The following CXADR variants were observed in gnomAD, a reference collection of about 807,000 sequenced individuals.
The protein encoded by CXADR is CXADR cell adhesion molecule, also known as coxsackievirus and adenovirus receptor.
In CXADR, 20 loss-of-function variants were observed where a neutral mutation model predicts 40.3. That is an observed-to-expected ratio of 0.50 (90% CI 0.35 to 0.72). The LOEUF (loss-of-function observed/expected upper bound fraction) is 0.72. Ranked by LOEUF, CXADR falls within the 30% of genes least tolerant of loss-of-function variation. The pLI is 0.01. For missense variants in CXADR, 332 were observed against 449.1 expected (o/e 0.74, Z 2.36); for synonymous variants, 150 against 161.3 (o/e 0.93, Z 0.53).
intron 6 of CXADR, among the ~76,000 whole-genome samples, chr21:17,562,150 A>G (rs2061131999): frequency 3.2e-5 from 1 of 31,192 alleles, no homozygotes; most frequent in South Asian, 1.4e-3. Context: ...AGATACCCCA[A>G]TTAAAAAATA....
At chr21:17,627,405 G>C in the CXADR span, among the ~76,000 whole-genome samples, 1 of 152,126 alleles carries the variant, frequency 6.6e-6, no homozygotes, top group Admixed American at 6.6e-5. Flanking sequence ...TAATAAATGG[G>C]TTGTCATTAA....
chr21:17,538,810 C>T (rs1342490074), intron 1 of CXADR, among the ~76,000 whole-genome samples: 3 of 151,942 alleles, frequency 2.0e-5, no homozygotes, highest in South Asian at 2.1e-4. Context: ...AGAGTGAGAC[C>T]CTGTTTCAAA....
At chr21:17,514,579 A>G (rs1328964757) in intron 1 of CXADR, among the ~76,000 whole-genome samples, 1 of 143,270 alleles carries the variant, frequency 7.0e-6, no homozygotes, top group East Asian at 2.0e-4. Context: ...AAAAAAAAAA[A>G]TAGTTTTAGA....
At chr21:17,609,146 T>C in the CXADR span, 1 of 1,603,192 alleles carries the variant, frequency 6.2e-7, no homozygotes, top group Non-Finnish European at 8.5e-7. Flanking sequence ...ATTCTTCATT[T>C]TTTTCCCTGC....
intron 1 of CXADR, among the ~76,000 whole-genome samples, chr21:17,519,272 T>C (rs907892502): frequency 6.6e-6 from 1 of 152,238 alleles, no homozygotes; most frequent in South Asian, 2.1e-4. Context: ...GTCTTGTGGC[T>C]CCTGGCAGAC....
the CXADR span, among the ~76,000 whole-genome samples, chr21:17,606,836 T>C: frequency 2.6e-5 from 4 of 152,212 alleles, no homozygotes; most frequent in African/African-American, 7.2e-5. Flanking sequence ...TCCATATTCA[T>C]ACATGTTCGT....
intron 1 of CXADR, among the ~76,000 whole-genome samples, chr21:17,537,964 T>C (rs1017788859): frequency 6.6e-6 from 1 of 151,968 alleles, no homozygotes; most frequent in African/African-American, 2.4e-5. Context: ...GAGACCATAG[T>C]AAGCCTAAAA....
the CXADR span, among the ~76,000 whole-genome samples, chr21:17,626,405 A>G: frequency 6.6e-6 from 1 of 152,198 alleles, no homozygotes; most frequent in South Asian, 2.1e-4. Flanking sequence ...ATTTATTACC[A>G]TGTAAATTAC....
the CXADR span, among the ~76,000 whole-genome samples, chr21:17,631,256 T>C: frequency 6.6e-6 from 1 of 152,182 alleles, no homozygotes. Context: ...GTAAATAGGT[T>C]CATGTAGTTT....
At chr21:17,624,760 A>G in the CXADR span, among the ~76,000 whole-genome samples, 9 of 152,128 alleles carry the variant, frequency 5.9e-5, no homozygotes, top group Admixed American at 3.9e-4. Flanking sequence ...TCTGCCTACC[A>G]TATGGTCTCT....
intron 7 of CXADR, among the ~76,000 whole-genome samples, chr21:17,578,735 G>A (rs1479281551): frequency 1.3e-5 from 2 of 152,166 alleles, no homozygotes; most frequent in East Asian, 3.9e-4. Flanking sequence ...AGGCTGAGGT[G>A]GGAGGATTGC....
At chr21:17,594,477 A>G (rs772358756), downstream of CXADR, 91 of 952,418 alleles carry the variant, frequency 9.6e-5, no homozygotes, top group East Asian at 1.6e-4. Context: ...TAAATACATT[A>G]AAAACCTCAT....
chr21:17,583,256 A>T (rs1161021190), intron 7 of CXADR, among the ~76,000 whole-genome samples: 1 of 152,182 alleles, frequency 6.6e-6, no homozygotes, highest in East Asian at 1.9e-4. Context: ...GGAGAGCTTT[A>T]TGAATGTATG....
At chr21:17,551,650 G>A in intron 2 of CXADR, 99 bp from the exon 3 acceptor site, 2 of 962,102 alleles carry the variant, frequency 2.1e-6, no homozygotes, top group Non-Finnish European at 1.5e-6. Context: ...TCTGGGAGGG[G>A]GCGTTCTGTA....
chr21:17,551,995 G>C (rs1359754598), intron 3 of CXADR, 42 bp downstream of exon 3: 1 of 1,438,640 alleles, frequency 7.0e-7, no homozygotes, highest in Middle Eastern at 1.8e-4. Flanking sequence ...CTGAGTAAGA[G>C]AATGATTAGT....
intron 1 of CXADR, among the ~76,000 whole-genome samples, chr21:17,522,288 A>G (rs2060540998): frequency 6.6e-6 from 1 of 151,582 alleles, no homozygotes; most frequent in African/African-American, 2.4e-5. Flanking sequence ...AGCTGGGATT[A>G]CAGGCATGCA....
Position 17,566,537 on chromosome 21 carries a change from C to T in CXADR, c.*845C>T, listed in dbSNP as rs1043195893. On this transcript the variant is annotated 3_prime_UTR_variant, in exon 7 of 7. Coordinates refer to ENST00000284878, the MANE Select transcript of CXADR (RefSeq NM_001338.5). Reference sequence around the variant, plus strand: ...CAGCCAGATCAAGGATGTAGTATCTCATAGTTCCCAGGTGATATTTTTCTT... The same window carrying T: ...CAGCCAGATCAAGGATGTAGTATCTTATAGTTCCCAGGTGATATTTTTCTT... 5 of 985,014 alleles carry T rather than the reference C, an allele frequency of 5.1e-6. No individual in the cohort carries two copies. The highest frequency in any genetic ancestry group is 6.0e-6 in the Non-Finnish European group (5 of 829,706). The allele number at this position is 985,014 out of a possible 1,614,324, so 61.0% of individuals were successfully genotyped here.
rs770404263 is a variant in CXADR, at chr21:17,553,288, AT to A, written c.415+1337del. On this transcript the variant is annotated intron_variant, in intron 3 of 6. Transcript: ENST00000284878. ...CTACAAGTAGACCCAGCACTTAACT[AT>A]TACTCCTAGAGACTAGGAACAAGAG... Among the ~76,000 whole-genome samples the A allele has an allele frequency of 5.3e-5, 8 of 152,294 alleles. No individual in the cohort carries two copies. The East Asian group carries it at 1.4e-3, about 26-fold the overall frequency.
chr21:17,558,895 TC>T, intron 3 of CXADR, 80 bp from the exon 4 acceptor site: 6 of 1,381,272 alleles, frequency 4.3e-6, no homozygotes, highest in Non-Finnish European at 5.9e-6. Flanking sequence ...TGATAATGAG[TC>T]AGTGGTTGTG....
Sources: gnomAD v4.1 joint callset for allele counts (sites outside exome capture counted in the v4.1 genomes callset) on GRCh38, gnomAD v4.1.1 for gene constraint, MANE v1.5 for transcripts, NCBI Gene and HGNC (gene_info 2026-07-23, HGNC 2026-07-21) for gene names.